Variants in SLC12A2 observed in about 807,000 individuals in gnomAD.
SLC12A2 encodes Na-K-2Cl cotransporter 1.
SLC12A2 carries 67 observed loss-of-function variants against 136.3 expected under a neutral mutation model. The ratio of observed to expected loss-of-function variants is 0.49; its 90% CI spans 0.40 to 0.60. SLC12A2 has a LOEUF of 0.60. SLC12A2 is among the 20% of genes least tolerant of loss of function. The probability of loss-of-function intolerance (pLI) is 0.00; values close to 1 mark genes in which losing one functional copy is unlikely to be tolerated. For synonymous variants in SLC12A2, 619 were observed against 562.9 expected, an observed-to-expected ratio of 1.10 and a Z score of -1.41; for missense variants, 1,322 against 1,534.7, an observed-to-expected ratio of 0.86 and a Z score of 2.32.
At chr5:128,104,915 C>T (rs1037503863) in intron 1 of SLC12A2, among the ~76,000 whole-genome samples, 2 of 151,930 alleles carry the variant, frequency 1.3e-5, no homozygotes, top group East Asian at 1.9e-4. Context: ...TGTTAGAAGC[C>T]CTTAGCTTCT....
At chr5:128,157,935 T>C (rs1762913608) in intron 15 of SLC12A2, 118 bp from the exon 16 acceptor site, 2 of 712,874 alleles carry the variant, frequency 2.8e-6, no homozygotes, top group South Asian at 4.0e-5. Context: ...TTGAGAATCC[T>C]GTGGCCTGTG....
chr5:128,181,936 C>G (rs931663529), intron 23 of SLC12A2, among the ~76,000 whole-genome samples: 16 of 146,456 alleles, frequency 1.1e-4, no homozygotes, highest in Non-Finnish European at 2.1e-4. Flanking sequence ...TTTCCCCCCA[C>G]TTACCCCCCC....
intron 1 of SLC12A2, among the ~76,000 whole-genome samples, chr5:128,103,931 A>G (rs1376267616): frequency 6.6e-6 from 1 of 152,184 alleles, no homozygotes; most frequent in Non-Finnish European, 1.5e-5. Context: ...AAAAATAGAA[A>G]TGTCACTTCT....
intron 1 of SLC12A2, among the ~76,000 whole-genome samples, chr5:128,111,428 A>G (rs1003311415): frequency 2.8e-4 from 42 of 152,298 alleles, no homozygotes; most frequent in African/African-American, 9.6e-4. Flanking sequence ...TAGATTTTGC[A>G]CTGTGGTAGC....
chr5:128,147,199 T>C (rs1427469491), intron 10 of SLC12A2, among the ~76,000 whole-genome samples: 1 of 151,428 alleles, frequency 6.6e-6, no homozygotes, highest in African/African-American at 2.4e-5. Context: ...TAAGCAATTA[T>C]TAAGTTTCTA....
chr5:128,149,932 C>T (rs1020908743), intron 12 of SLC12A2, 65 bp from the exon 13 acceptor site: 2 of 1,075,952 alleles, frequency 1.9e-6, no homozygotes, highest in South Asian at 1.3e-5. Flanking sequence ...ATTTGAAATA[C>T]TTCATAATTT....
At chr5:128,112,965 C>T in intron 2 of SLC12A2, 32 bp downstream of exon 2, 2 of 1,525,018 alleles carry the variant, frequency 1.3e-6, no homozygotes, top group Non-Finnish European at 1.8e-6. Flanking sequence ...TTTATAGTTA[C>T]AGCATATCTG....
intron 1 of SLC12A2, among the ~76,000 whole-genome samples, chr5:128,089,126 C>T (rs929745334): frequency 1.3e-5 from 2 of 150,496 alleles, no homozygotes; most frequent in Non-Finnish European, 3.0e-5. Context: ...CAAGATTGCG[C>T]CATTGCACTC....
Position 128,084,744 on chromosome 5 carries a change from C to A in SLC12A2, c.756+34C>A. 2.0e-6 allele frequency: 3 copies of A among 1,517,348 alleles called. No individual in the cohort carries two copies. Among genetic ancestry groups the A allele is most frequent in the Non-Finnish European group, 2.7e-6 (3 of 1,128,974 alleles). The allele number at this position is 1,517,348 out of a possible 1,614,324, so 94.0% of individuals were successfully genotyped here. Reference sequence around the variant, plus strand: ...GCCCAGCCCTCCCTTCTTCCCCAGCCCCTGGTGCATGCCGACCGCGGGATG... The same window carrying A: ...GCCCAGCCCTCCCTTCTTCCCCAGCACCTGGTGCATGCCGACCGCGGGATG... On this transcript the variant is annotated intron_variant, in intron 1 of 26. Coordinates refer to ENST00000262461, the MANE Select transcript of SLC12A2 (RefSeq NM_001046.3). The surrounding 1 kb of genome is among the most constrained non-coding windows in gnomAD (Gnocchi z 5.6).
chr5:128,100,217 A>G (rs1007124025), intron 1 of SLC12A2, among the ~76,000 whole-genome samples: 3 of 152,268 alleles, frequency 2.0e-5, no homozygotes, highest in African/African-American at 7.2e-5. Context: ...CATTGTTGAC[A>G]GAAACATCAT....
Position 128,114,628 on chromosome 5 carries a change from C to T in SLC12A2, c.995C>T (p.Thr332Ile). The part of the protein sequence containing the change: ...LVIMMATVVT[T>I]ITGLSTSAIA... The stretch of plus-strand genomic sequence containing the variant: ...ATAATGATGGCCACTGTTGTGACAA[C>T]TATCACAGGATTGTCTACTTCAGCA... The change falls in exon 4 of 27, where the codon ACT becomes ATT. Residue 332 changes from threonine (T) to isoleucine (I), a missense_variant. Coordinates refer to ENST00000262461, the MANE Select transcript of SLC12A2 (RefSeq NM_001046.3). 1.9e-6 allele frequency: 3 copies of T among 1,612,702 alleles called. No individual in the cohort carries two copies. Among genetic ancestry groups the T allele is most frequent in the Non-Finnish European group, 2.5e-6 (3 of 1,178,926 alleles).
chr5:128,128,486 A>C (rs1761898453), intron 4 of SLC12A2, among the ~76,000 whole-genome samples: 1 of 152,002 alleles, frequency 6.6e-6, no homozygotes, highest in Non-Finnish European at 1.5e-5. Flanking sequence ...TTTTTTAATA[A>C]AATTATTTTC....
chr5:128,124,562 G>T (rs1261997214), intron 4 of SLC12A2, among the ~76,000 whole-genome samples: 1 of 152,194 alleles, frequency 6.6e-6, no homozygotes, highest in African/African-American at 2.4e-5. Flanking sequence ...CCAAATAAAA[G>T]AGTTGAGTAA....
intron 2 of SLC12A2, among the ~76,000 whole-genome samples, 157 bp downstream of exon 2, chr5:128,113,090 CT>C (rs1412475285): frequency 1.3e-5 from 2 of 152,136 alleles, no homozygotes; most frequent in African/African-American, 4.8e-5. Flanking sequence ...CTTGTACCTC[CT>C]TTGCTTTTGG....
chr5:128,181,077 A>C, intron 23 of SLC12A2, 83 bp downstream of exon 23: 1 of 857,508 alleles, frequency 1.2e-6, no homozygotes, highest in Non-Finnish European at 1.9e-6. Context: ...AAAATTAGAC[A>C]ATCCAGAAAA....
At chr5:128,173,938 C>G (rs1310694744) in intron 19 of SLC12A2, among the ~76,000 whole-genome samples, 1 of 152,122 alleles carries the variant, frequency 6.6e-6, no homozygotes, top group Non-Finnish European at 1.5e-5. Context: ...CTTAGGAAGA[C>G]TCCATTTGGT....
chr5:128,186,454 G>C, intron 26 of SLC12A2, 42 bp from the exon 27 acceptor site: 1 of 1,513,374 alleles, frequency 6.6e-7, no homozygotes, highest in Non-Finnish European at 8.8e-7. Context: ...TAAATGCATT[G>C]CTCAGGGTTT....
At chr5:128,119,071 G>T (rs148480468) in intron 4 of SLC12A2, among the ~76,000 whole-genome samples, 1 of 151,776 alleles carries the variant, frequency 6.6e-6, no homozygotes, top group African/African-American at 2.4e-5. Flanking sequence ...CTTCTTGGTG[G>T]TACCAAGAAT....
chr5:128,111,024 A>G, intron 1 of SLC12A2: 1 of 712,608 alleles, frequency 1.4e-6, no homozygotes, highest in South Asian at 1.5e-5. Flanking sequence ...TATTAAAATA[A>G]TGGTGCTCTG....
Sources: gnomAD v4.1 joint callset for allele counts (sites outside exome capture counted in the v4.1 genomes callset) on GRCh38, gnomAD v4.1.1 for gene constraint, Gnocchi (gnomAD v3.1) non-coding constraint, MANE v1.5 for transcripts, NCBI Gene and HGNC (gene_info 2026-07-23, HGNC 2026-07-21) for gene names.